Variants in DNAJB4 observed in about 807,000 individuals in gnomAD.
DNAJB4 encodes DnaJ heat shock protein family (Hsp40) member B4, also known as dnaJ homolog subfamily B member 4.
In DNAJB4, 10 loss-of-function variants were observed where a neutral mutation model predicts 26.6. The ratio of observed to expected loss-of-function variants is 0.38; its 90% CI spans 0.23 to 0.64. The LOEUF is 0.64. DNAJB4 is among the 30% of genes least tolerant of loss of function. The pLI, the probability that DNAJB4 is intolerant of heterozygous loss-of-function variation, is 0.58. For missense variants in DNAJB4, 328 were observed against 408.2 expected, an observed-to-expected ratio of 0.80 and a Z score of 1.69; for synonymous variants, 136 against 134.8, an observed-to-expected ratio of 1.01 and a Z score of -0.06.
chr1:78,013,241 C>T lies in DNAJB4; in HGVS notation c.402C>T (p.Ala134=), dbSNP rs1660541374. 1 of 1,614,040 alleles carries T rather than the reference C, an allele frequency of 6.2e-7. No individual in the cohort carries two copies. Among genetic ancestry groups the T allele is most frequent in the African/African-American group, 1.3e-5 (1 of 74,928 alleles). The change falls in exon 2 of 3, where the codon GCC becomes GCT. Residue 134 remains alanine, a synonymous_variant. Coordinates refer to ENST00000370763, the MANE Select transcript of DNAJB4 (RefSeq NM_007034.5). ...AAATAGATGGTGATCCTTTTAGTGC[C>T]TTTGGTTTCAGCATGAATGGATATC... ...EMEIDGDPFS[A]FGFSMNGYPR... is the part of the protein sequence containing the mutation.
intron 1 of DNAJB4, 53 bp downstream of exon 1, chr1:78,005,374 TTTTC>T: frequency 2.2e-6 from 3 of 1,370,754 alleles, no homozygotes; most frequent in Admixed American, 3.2e-5. Context: ...TCTTTTTTTT[TTTTC>T]TCTCTCTCTG....
At chr1:77,999,056 A>G (rs930238162) in intron 1 of DNAJB4, among the ~76,000 whole-genome samples, 4 of 152,236 alleles carry the variant, frequency 2.6e-5, no homozygotes, top group Non-Finnish European at 4.4e-5. Flanking sequence ...CATTTGCTCT[A>G]TAGCAATCTA....
upstream of DNAJB4, among the ~76,000 whole-genome samples, chr1:78,001,199 C>T (rs78227512): frequency 6.9e-3 from 1,054 of 151,896 alleles, 14 homozygotes; most frequent in African/African-American, 0.024. Flanking sequence ...TAAAATAAGC[C>T]AGATGTTGCA....
At chr1:78,001,280 C>G (rs935605418), upstream of DNAJB4, among the ~76,000 whole-genome samples, 10 of 150,898 alleles carry the variant, frequency 6.6e-5, no homozygotes, top group African/African-American at 2.4e-4. Context: ...TTCAAGGGTG[C>G]AGTGAGCTAT....
intron 1 of DNAJB4, among the ~76,000 whole-genome samples, chr1:77,982,889 G>C (rs1295475099): frequency 1.3e-5 from 2 of 152,226 alleles, no homozygotes; most frequent in Non-Finnish European, 2.9e-5. Context: ...AAAGCTTCCT[G>C]GGTTAATGTA....
intron 1 of DNAJB4, among the ~76,000 whole-genome samples, chr1:77,980,637 G>A (rs1321715597): frequency 6.6e-6 from 1 of 151,942 alleles, no homozygotes; most frequent in African/African-American, 2.4e-5. Flanking sequence ...ACTTGGTTAG[G>A]TCTAAAAAAA....
intron 1 of DNAJB4, among the ~76,000 whole-genome samples, chr1:77,987,971 T>A (rs1206423052): frequency 6.8e-6 from 1 of 148,054 alleles, no homozygotes; most frequent in Non-Finnish European, 1.5e-5. Context: ...TATATATGCA[T>A]ACATTATATA....
chr1:78,010,806 C>T (rs1017821778), intron 1 of DNAJB4, among the ~76,000 whole-genome samples: 11 of 152,160 alleles, frequency 7.2e-5, no homozygotes, highest in African/African-American at 2.7e-4. Context: ...TTATATTTTA[C>T]ATTGTTTTTG....
chr1:77,997,484 G>A (rs1051731666), intron 1 of DNAJB4, among the ~76,000 whole-genome samples: 14 of 151,730 alleles, frequency 9.2e-5, no homozygotes, highest in Non-Finnish European at 1.9e-4. Context: ...CTCCAGCCTC[G>A]GTGACAGTAA....
chr1:77,995,994 G>A (rs546469453), intron 1 of DNAJB4, among the ~76,000 whole-genome samples: 74 of 152,228 alleles, frequency 4.9e-4, no homozygotes, highest in Middle Eastern at 3.4e-3. Context: ...ATTTCAAAAT[G>A]CCAGAAAAGT....
chr1:77,994,581 CTCTT>C (rs1660016537), intron 1 of DNAJB4, among the ~76,000 whole-genome samples: 1 of 55,994 alleles, frequency 1.8e-5, no homozygotes, highest in African/African-American at 7.2e-5. Context: ...ACTACTCTCT[CTCTT>C]TTTTTTTTTT....
intron 1 of DNAJB4, among the ~76,000 whole-genome samples, chr1:77,996,848 AATT>A (rs1660073671): frequency 6.6e-6 from 1 of 152,002 alleles, no homozygotes; most frequent in Non-Finnish European, 1.5e-5. Flanking sequence ...GAGGCTTACA[AATT>A]ATTATTATTT....
chr1:77,992,691 A>C (rs961367740), intron 1 of DNAJB4: 1 of 152,130 alleles, frequency 6.6e-6, no homozygotes, highest in Non-Finnish European at 1.5e-5. Flanking sequence ...TCAGCGTATA[A>C]GTTTTATTTT....
intron 2 of DNAJB4, 66 bp downstream of exon 2, chr1:78,013,685 T>G (rs1165726518): frequency 8.0e-7 from 1 of 1,245,292 alleles, no homozygotes; most frequent in East Asian, 2.3e-5. Context: ...GGAGTGTATC[T>G]AGATAATAGC....
intron 1 of DNAJB4, among the ~76,000 whole-genome samples, chr1:77,997,775 A>G (rs1051679908): frequency 1.9e-4 from 29 of 151,984 alleles, no homozygotes; most frequent in Non-Finnish European, 4.1e-4. Context: ...AGTTGAGGAT[A>G]ATAATTAACT....
intron 1 of DNAJB4, among the ~76,000 whole-genome samples, chr1:77,982,180 AT>A (rs1407729891): frequency 1.3e-5 from 2 of 152,344 alleles, no homozygotes; most frequent in East Asian, 3.9e-4. Context: ...TATACTTGTA[AT>A]TTCCTGTAAA....
chr1:78,003,000 C>T (rs1571438143), upstream of DNAJB4, among the ~76,000 whole-genome samples: 2 of 151,910 alleles, frequency 1.3e-5, no homozygotes, highest in East Asian at 3.9e-4. Context: ...TCCTAGCTCT[C>T]TGAAAATGAT....
At position 78,016,099 on chromosome 1, in the gene DNAJB4, TGAG is replaced by T. The variant is rs1226265743; in HGVS notation, c.870_872del (p.Arg292del). On this transcript the variant is annotated inframe_deletion, in exon 3 of 3. Transcript: ENST00000370763. Reference sequence around the variant, plus strand: ...GTAAATGATATTGTGAAACCCGGAATGAGGAGAAGAATTATTGGATATGGGCTG... The same window carrying T: ...GTAAATGATATTGTGAAACCCGGAATGAGAAGAATTATTGGATATGGGCTG... 6.2e-7 allele frequency: 1 copy of T among 1,614,082 alleles called. No individual in the cohort carries two copies. Among genetic ancestry groups the T allele is most frequent in the Non-Finnish European group, 8.5e-7 (1 of 1,180,010 alleles).
upstream of DNAJB4, among the ~76,000 whole-genome samples, chr1:78,000,710 C>A (rs901329350): frequency 2.0e-5 from 3 of 152,094 alleles, no homozygotes; most frequent in Non-Finnish European, 4.4e-5. Context: ...CATGGCCAGG[C>A]GTGGTGGCTC....
Sources: allele counts gnomAD v4.1 joint callset (sites outside exome capture counted in the v4.1 genomes callset), GRCh38; gene constraint gnomAD v4.1.1; transcripts MANE v1.5; gene names NCBI Gene and HGNC (gene_info 2026-07-23, HGNC 2026-07-21).